Variants in ARMH3 observed in about 807,000 individuals in gnomAD.
ARMH3 encodes armadillo like helical domain containing 3.
In ARMH3, 60 loss-of-function variants were observed where a neutral mutation model predicts 99.1. The ratio of observed to expected loss-of-function variants is 0.61; its 90% confidence interval spans 0.49 to 0.75. ARMH3 has a LOEUF of 0.75. Ranked by LOEUF, ARMH3 falls within the 30% of genes least tolerant of loss-of-function variation. The probability of loss-of-function intolerance (pLI) is 0.00; values close to 1 mark genes in which losing one functional copy is unlikely to be tolerated. For synonymous variants in ARMH3, 285 were observed against 292.8 expected (o/e 0.97, Z 0.27); for missense variants, 679 against 843.1 (o/e 0.81, Z 2.41).
chr10:101,892,201 T>C (rs1251938051), intron 23 of ARMH3, among the ~76,000 whole-genome samples: 3 of 152,022 alleles, frequency 2.0e-5, no homozygotes, highest in Non-Finnish European at 4.4e-5. Flanking sequence ...TCCCAGCACT[T>C]TGGGAGGCTA....
intron 20 of ARMH3, among the ~76,000 whole-genome samples, chr10:101,963,299 C>A (rs574028499): frequency 6.6e-6 from 1 of 152,156 alleles, no homozygotes; most frequent in East Asian, 1.9e-4. Flanking sequence ...CCTGCCACCA[C>A]ACCTGCCTAA....
At chr10:101,946,101 A>AAAAAAAAAAAAAAAAAAAC (rs1844517543) in intron 22 of ARMH3, among the ~76,000 whole-genome samples, 1 of 134,316 alleles carries the variant, frequency 7.4e-6, no homozygotes, top group African/African-American at 2.8e-5. Context: ...AAAAAAAAAA[A>AAAAAAAAAAAAAAAAAAAC]AAGTCCAGGA....
In ARMH3 at chr10:101,847,145, C is replaced by G. The variant is rs1326527482; in HGVS notation, c.*383G>C. Reference sequence around the variant, plus strand: ...TGAGAGTTGATCTGTTTTCAGAAGCCGAGCAGAGCCACTGACTTTCAGGGT... The same window carrying G: ...TGAGAGTTGATCTGTTTTCAGAAGCGGAGCAGAGCCACTGACTTTCAGGGT... On this transcript the variant is annotated 3_prime_UTR_variant, in exon 26 of 26. Transcript: ENST00000370033. The G allele has an allele frequency of 5.3e-6, 1 of 188,822 alleles. No homozygotes were observed. The highest frequency in any genetic ancestry group is 1.1e-5 in the Non-Finnish European group (1 of 90,394). The allele number at this position is 188,822 out of a possible 1,614,324, so 11.7% of individuals were successfully genotyped here. A position where few individuals can be genotyped will look rare whatever the true frequency, so the allele number is the denominator to read the frequency against.
rs528140439 is a variant in ARMH3 at position 102,005,486 on chromosome 10, T to C, written c.1048+1054A>G. The stretch of plus-strand genomic sequence containing the variant: ...AACTAACAATGGCACCTCCCTGTCA[T>C]AGTTCTGTACTGTTTATACTGCCTG... On this transcript the variant is annotated intron_variant, in intron 14 of 25. Transcript: ENST00000370033. Among the ~76,000 whole-genome samples the C allele has an allele frequency of 5.3e-5, 8 of 152,018 alleles. No individual in the cohort carries two copies. The South Asian group carries it at 1.7e-3, about 32-fold the overall frequency.
intron 24 of ARMH3, among the ~76,000 whole-genome samples, chr10:101,879,588 T>G (rs144416830): frequency 8.6e-5 from 13 of 152,036 alleles, no homozygotes; most frequent in African/African-American, 1.9e-4. Flanking sequence ...CTGGCCCCAG[T>G]TGATCCGCCC....
chr10:101,938,538 T>C (rs1463971065), intron 23 of ARMH3, among the ~76,000 whole-genome samples: 1 of 152,204 alleles, frequency 6.6e-6, no homozygotes, highest in Non-Finnish European at 1.5e-5. Context: ...AAGGCCTACA[T>C]AAATACATGA....
intron 23 of ARMH3, among the ~76,000 whole-genome samples, chr10:101,890,872 A>AT (rs1313468909): frequency 0.06 from 7,877 of 130,904 alleles, 281 homozygotes; most frequent in Middle Eastern, 0.098. Flanking sequence ...CCTGACTGGT[A>AT]TTTTTTTTTT....
chr10:101,930,729 C>T (rs555897388), intron 23 of ARMH3, among the ~76,000 whole-genome samples: 1 of 152,244 alleles, frequency 6.6e-6, no homozygotes, highest in Admixed American at 6.5e-5. Context: ...TCTCTGGTCC[C>T]TACTAAGCCC....
At chr10:102,021,490 C>T (rs751863479) in intron 8 of ARMH3, among the ~76,000 whole-genome samples, 16 of 152,002 alleles carry the variant, frequency 1.1e-4, no homozygotes, top group Non-Finnish European at 2.2e-4. Context: ...TCAAGCAATC[C>T]TCCTGCTTCA....
At chr10:101,870,861 C>T (rs2067115717) in intron 24 of ARMH3, among the ~76,000 whole-genome samples, 1 of 152,026 alleles carries the variant, frequency 6.6e-6, no homozygotes, top group African/African-American at 2.4e-5. Flanking sequence ...ATCACCTGAG[C>T]CCGACGAGGT....
At chr10:102,021,370 G>A (rs958081169) in intron 8 of ARMH3, among the ~76,000 whole-genome samples, 4 of 150,262 alleles carry the variant, frequency 2.7e-5, no homozygotes, top group East Asian at 2.0e-4. Flanking sequence ...GTAAGCTACC[G>A]TCCCCAGCCT....
intron 22 of ARMH3, among the ~76,000 whole-genome samples, chr10:101,947,588 G>A (rs1311609170): frequency 6.6e-6 from 1 of 151,836 alleles, no homozygotes; most frequent in Admixed American, 6.6e-5. Flanking sequence ...ATCACCTGAG[G>A]TTGGGAGTTC....
intron 8 of ARMH3, among the ~76,000 whole-genome samples, chr10:102,022,491 T>TAAAAA (rs745889967): frequency 1.2e-5 from 1 of 85,362 alleles, no homozygotes; most frequent in Non-Finnish European, 2.3e-5. Context: ...GACTCTGACT[T>TAAAAA]AAAAAAAAAA....
chr10:102,032,464 A>G (rs1437370518), intron 4 of ARMH3, among the ~76,000 whole-genome samples: 1 of 152,070 alleles, frequency 6.6e-6, no homozygotes, highest in Non-Finnish European at 1.5e-5. Context: ...GCAGTGGTGC[A>G]ATCTCGGCTC....
At chr10:101,847,699 G>T in intron 25 of ARMH3, 79 bp from the exon 26 acceptor site, 1 of 1,281,012 alleles carries the variant, frequency 7.8e-7, no homozygotes, top group Non-Finnish European at 1.1e-6. Context: ...AACGGCAGAG[G>T]ACAGTGCCTG....
intron 24 of ARMH3, among the ~76,000 whole-genome samples, chr10:101,888,020 G>A (rs1318437989): frequency 6.6e-6 from 1 of 151,088 alleles, no homozygotes; most frequent in Admixed American, 6.6e-5. Context: ...AAGCTGCTGG[G>A]GGATGAATAC....
chr10:101,907,464 C>T (rs1308810998), intron 23 of ARMH3, among the ~76,000 whole-genome samples: 1 of 151,354 alleles, frequency 6.6e-6, no homozygotes, highest in African/African-American at 2.4e-5. Flanking sequence ...CTCACTGCAA[C>T]CTCCGCCGCC....
intron 23 of ARMH3, among the ~76,000 whole-genome samples, chr10:101,915,123 A>AT (rs1843025159): frequency 6.6e-6 from 1 of 152,054 alleles, no homozygotes; most frequent in Admixed American, 6.6e-5. Flanking sequence ...CCAATAGTAG[A>AT]CTTCATCTAG....
At chr10:101,944,856 C>T (rs1302900673) in intron 22 of ARMH3, among the ~76,000 whole-genome samples, 3 of 151,772 alleles carry the variant, frequency 2.0e-5, no homozygotes, top group Non-Finnish European at 4.4e-5. Flanking sequence ...ATATTATGCA[C>T]AGAGAAACAA....
Sources: gnomAD v4.1 joint callset for allele counts (sites outside exome capture counted in the v4.1 genomes callset) on GRCh38, gnomAD v4.1.1 for gene constraint, MANE v1.5 for transcripts, NCBI Gene and HGNC (gene_info 2026-07-23, HGNC 2026-07-21) for gene names.